PGLYRP4: variants seen among roughly 807,000 people sequenced by gnomAD.
PGLYRP4 encodes the protein peptidoglycan recognition protein 4.
In PGLYRP4, 39 loss-of-function variants were observed where a neutral mutation model predicts 41.2. That is an observed-to-expected ratio of 0.95 (90% CI 0.73 to 1.24). PGLYRP4 has a LOEUF of 1.24. PGLYRP4 is among the 50% of genes most tolerant of loss of function. PGLYRP4 has a pLI of 0.00. For missense variants in PGLYRP4, 467 were observed against 460.7 expected, an observed-to-expected ratio of 1.01 and a Z score of -0.13; for synonymous variants, 202 against 186.8, an observed-to-expected ratio of 1.08 and a Z score of -0.66.
intron 7 of PGLYRP4, among the ~76,000 whole-genome samples, chr1:153,339,557 T>G (rs989135219): frequency 6.6e-6 from 1 of 152,240 alleles, no homozygotes; most frequent in Admixed American, 6.5e-5. Flanking sequence ...TAAAATTTAG[T>G]GTGAATTTTC....
intron 7 of PGLYRP4, among the ~76,000 whole-genome samples, chr1:153,339,477 G>C (rs532716034): frequency 3.5e-4 from 53 of 152,314 alleles, no homozygotes; most frequent in African/African-American, 1.3e-3. Context: ...AATGGCCCTA[G>C]AGTTAAAGGT....
intron 3 of PGLYRP4, among the ~76,000 whole-genome samples, chr1:153,345,735 C>A (rs1660983872): frequency 6.6e-6 from 1 of 152,234 alleles, no homozygotes; most frequent in Non-Finnish European, 1.5e-5. Flanking sequence ...TGTGTGCTCT[C>A]TGATCATTTC....
In PGLYRP4 at chr1:153,337,247, G is replaced by A. The variant is rs1453778717; in HGVS notation, c.877C>T (p.Gln293Ter). The change falls in exon 8 of 9, where the codon CAA becomes TAA. Residue 293 changes from glutamine (Q) to a stop codon, truncating the protein, a stop_gained. Transcript: ENST00000359650. LOFTEE classifies it high-confidence loss of function. Reference protein sequence around the residue: ...AIYEGVGWNVQGSSTPGYDDI... With the variant: ...AIYEGVGWNV ...TCGTAGCCAGGGGTGGAGGAGCCTT[G>A]GACATTCCAGCCCACCCCTTCATAA... 4 of 1,613,474 alleles carry A rather than the reference G, an allele frequency of 2.5e-6. No individual in the cohort carries two copies. Among genetic ancestry groups the A allele is most frequent in the Non-Finnish European group, 3.4e-6 (4 of 1,179,782 alleles).
At chr1:153,333,440 C>T (rs185099344) in intron 8 of PGLYRP4, among the ~76,000 whole-genome samples, 1 of 152,086 alleles carries the variant, frequency 6.6e-6, no homozygotes, top group African/African-American at 2.4e-5. Flanking sequence ...AAAAGATTCT[C>T]CCAACAACAA....
At chr1:153,347,748 C>T in intron 2 of PGLYRP4, 136 bp downstream of exon 2, 6 of 686,036 alleles carry the variant, frequency 8.7e-6, no homozygotes, top group Non-Finnish European at 1.3e-5. Flanking sequence ...GGCTGGAGTG[C>T]AGTGGTGGGA....
rs1225815286 is a variant in PGLYRP4, at chr1:153,345,198, G to A, written c.324C>T (p.His108=). Residue 108 remains histidine (H), a synonymous_variant, in exon 4 of 9, where the codon CAC becomes CAT. Coordinates refer to ENST00000359650, the MANE Select transcript of PGLYRP4 (RefSeq NM_020393.4). ...RLRELQAHHV[H]NNSGCDVAYN... ...AGGCCACATCACACCCACTGTTGTT[G>A]TGGACATGATGGGCCTGCAGTTCCC... 6.2e-7 allele frequency: 1 copy of A among 1,613,368 alleles called. No homozygotes were observed. Among genetic ancestry groups the A allele is most frequent in the Non-Finnish European group, 8.5e-7 (1 of 1,179,936 alleles).
At chr1:153,333,635 A>G (rs1235177801) in intron 8 of PGLYRP4, among the ~76,000 whole-genome samples, 1 of 152,198 alleles carries the variant, frequency 6.6e-6, no homozygotes, top group Non-Finnish European at 1.5e-5. Context: ...ACAGGCCAAT[A>G]GCCCTGATTA....
intron 4 of PGLYRP4, among the ~76,000 whole-genome samples, chr1:153,343,591 C>T (rs941959238): frequency 6.6e-5 from 10 of 152,244 alleles, no homozygotes; most frequent in Non-Finnish European, 1.3e-4. Context: ...GTGTGATCCA[C>T]GCAGAGCTGT....
At chr1:153,345,014 T>G in intron 4 of PGLYRP4, 155 bp downstream of exon 4, 2 of 619,626 alleles carry the variant, frequency 3.2e-6, no homozygotes, top group Non-Finnish European at 2.8e-6. Flanking sequence ...ATCCAAAGGA[T>G]TGGGAGTTTC....
intron 2 of PGLYRP4, among the ~76,000 whole-genome samples, chr1:153,346,776 C>T (rs2916211): frequency 0.83 from 126,333 of 152,208 alleles, 52,616 homozygotes; most frequent in East Asian, 0.88. Context: ...ATCATAATAA[C>T]ACAAATGTAA....
At chr1:153,347,498 T>C (rs3006455) in intron 2 of PGLYRP4, among the ~76,000 whole-genome samples, 125,851 of 151,696 alleles carry the variant, frequency 0.83, 52,379 homozygotes, top group East Asian at 0.88. Context: ...GCCTCCCTCC[T>C]GAGTAGCTGG....
At chr1:153,348,189 T>C (rs1216210565) in intron 1 of PGLYRP4, among the ~76,000 whole-genome samples, 1 of 152,192 alleles carries the variant, frequency 6.6e-6, no homozygotes, top group Non-Finnish European at 1.5e-5. Context: ...TTTCATCACG[T>C]GCCCACGGCG....
intron 7 of PGLYRP4, among the ~76,000 whole-genome samples, chr1:153,337,504 G>A (rs1660618972): frequency 6.6e-6 from 1 of 152,206 alleles, no homozygotes. Context: ...GGCAGGGTAG[G>A]GAGAGGGAAT....
chr1:153,344,562 G>A (rs1660924647), intron 4 of PGLYRP4, among the ~76,000 whole-genome samples: 1 of 152,206 alleles, frequency 6.6e-6, no homozygotes, highest in Admixed American at 6.5e-5. Flanking sequence ...GAGGCAGGAA[G>A]CCATCACTGC....
At chr1:153,347,395 G>A (rs993420424) in intron 2 of PGLYRP4, among the ~76,000 whole-genome samples, 6 of 151,906 alleles carry the variant, frequency 3.9e-5, no homozygotes, top group Non-Finnish European at 8.8e-5. Context: ...TTTGAGACAA[G>A]TTCTCGCTCT....
intron 2 of PGLYRP4, 54 bp from the exon 3 acceptor site, chr1:153,346,245 G>T: frequency 7.5e-7 from 1 of 1,337,622 alleles, no homozygotes; most frequent in Non-Finnish European, 1.1e-6. Context: ...AGCCATCATG[G>T]TGGCACCAGC....
chr1:153,335,594 A>G (rs2101555423), intron 8 of PGLYRP4, among the ~76,000 whole-genome samples: 1 of 152,172 alleles, frequency 6.6e-6, no homozygotes, highest in Middle Eastern at 3.4e-3. Flanking sequence ...GTGTGGTGGC[A>G]TGCACCTGTA....
rs539359842 is a variant in PGLYRP4 at position 153,339,734 on chromosome 1, T to C, written c.824+647A>G. Among the ~76,000 whole-genome samples the C allele has an allele frequency of 6.6e-5, 10 of 151,588 alleles. No homozygotes were observed. The East Asian group carries it at 1.9e-3, about 30-fold the overall frequency. Reference sequence around the variant, plus strand: ...TGGAAACATCTTGATCAAAAATGTGTCACAGAATTTTGAGACCCTTTAAGA... The same window carrying C: ...TGGAAACATCTTGATCAAAAATGTGCCACAGAATTTTGAGACCCTTTAAGA... On this transcript the variant is annotated intron_variant, in intron 7 of 8. Transcript: ENST00000359650.
rs1660807083 is a variant in PGLYRP4, at chr1:153,341,661, G to T, written c.591C>A (p.Cys197Ter). The T allele has an allele frequency of 1.2e-6, 2 of 1,613,470 alleles. No individual in the cohort carries two copies. The highest frequency in any genetic ancestry group is 1.7e-6 in the Non-Finnish European group (2 of 1,179,978). Residue 197 changes from cysteine (C) to a stop codon, truncating the protein, a stop_gained, in exon 6 of 9, where the codon TGC (cysteine) becomes TGA (stop). Transcript: ENST00000359650. LOFTEE classifies it high-confidence loss of function. The stretch of plus-strand genomic sequence containing the variant: ...GGCTTGTCTTCTGCCGAGGGGCCAG[G>T]CAGTTCTCGCCTTTCCCAAGAAGTG... Reference protein sequence around the residue: ...VQPLLGKGENCLAPRQKTSLK... With the variant: ...VQPLLGKGEN
Sources: gnomAD v4.1 joint callset for allele counts (sites outside exome capture counted in the v4.1 genomes callset) on GRCh38, gnomAD v4.1.1 for gene constraint, MANE v1.5 for transcripts, NCBI Gene and HGNC (gene_info 2026-07-23, HGNC 2026-07-21) for gene names.